Variants in CCDC141 observed in about 807,000 individuals in gnomAD.
The protein encoded by CCDC141 is coiled-coil domain-containing protein 141.
A neutral mutation model predicts 181.0 loss-of-function variants in CCDC141; 168 were observed. The ratio of observed to expected loss-of-function variants is 0.93; its 90% confidence interval spans 0.82 to 1.05. The LOEUF (loss-of-function observed/expected upper bound fraction) is 1.05. CCDC141 is among the 50% of genes least tolerant of loss of function. The pLI is 0.00. For synonymous variants in CCDC141, 666 were observed against 642.3 expected, an observed-to-expected ratio of 1.04 and a Z score of -0.56; for missense variants, 1,902 against 1,788.5, an observed-to-expected ratio of 1.06 and a Z score of -1.14.
chr2:178,827,882 T>C (rs1043442064), downstream of CCDC141, among the ~76,000 whole-genome samples: 8 of 152,228 alleles, frequency 5.3e-5, no homozygotes, highest in African/African-American at 1.9e-4. Context: ...AAGTCCAAAG[T>C]CTAAGCCAAA....
chr2:178,966,431 A>G (rs1157381244), intron 4 of CCDC141, among the ~76,000 whole-genome samples: 1 of 152,208 alleles, frequency 6.6e-6, no homozygotes, highest in East Asian at 1.9e-4. Context: ...ATCAGGTGGC[A>G]GTCTTTGCTG....
chr2:178,928,488 C>T (rs1468125056), intron 6 of CCDC141, among the ~76,000 whole-genome samples: 1 of 151,618 alleles, frequency 6.6e-6, no homozygotes, highest in Non-Finnish European at 1.5e-5. Context: ...AAATACCATG[C>T]AATATAATAG....
intron 6 of CCDC141, among the ~76,000 whole-genome samples, chr2:178,934,030 A>C (rs1048489397): frequency 6.6e-6 from 1 of 151,250 alleles, no homozygotes; most frequent in Non-Finnish European, 1.5e-5. Flanking sequence ...TAAGATTGAC[A>C]TTTTTTTTTA....
intron 6 of CCDC141, among the ~76,000 whole-genome samples, chr2:178,925,804 G>C (rs942818950): frequency 2.6e-5 from 4 of 151,870 alleles, no homozygotes; most frequent in Non-Finnish European, 5.9e-5. Flanking sequence ...GACTGACCAG[G>C]TGGTCCTAGT....
At chr2:179,038,985 C>T (rs1355478104) in intron 2 of CCDC141, among the ~76,000 whole-genome samples, 1 of 152,204 alleles carries the variant, frequency 6.6e-6, no homozygotes, top group Admixed American at 6.5e-5. Flanking sequence ...CTTTAACACT[C>T]TGCACCTCAC....
At chr2:178,867,799 T>A (rs1008636923) in intron 16 of CCDC141, among the ~76,000 whole-genome samples, 11 of 152,156 alleles carry the variant, frequency 7.2e-5, no homozygotes, top group African/African-American at 2.7e-4. Flanking sequence ...CTTTAAAAAT[T>A]TTTTTTCATG....
intron 5 of CCDC141, 147 bp downstream of exon 5, chr2:178,961,083 C>A: frequency 3.7e-6 from 3 of 808,468 alleles, no homozygotes; most frequent in South Asian, 2.0e-5. Flanking sequence ...CAGGGAAAAA[C>A]AACATGGTAG....
intron 2 of CCDC141, among the ~76,000 whole-genome samples, chr2:179,018,406 C>T (rs2042604593): frequency 6.6e-6 from 1 of 152,112 alleles, no homozygotes; most frequent in Non-Finnish European, 1.5e-5. Flanking sequence ...ATTTAAGACA[C>T]TTAAAAGTAA....
chr2:178,895,379 T>A (rs1275233734), intron 8 of CCDC141, among the ~76,000 whole-genome samples: 1 of 152,198 alleles, frequency 6.6e-6, no homozygotes, highest in African/African-American at 2.4e-5. Flanking sequence ...GATTTCTGCC[T>A]CTTTAGTCAG....
At chr2:178,952,263 C>G (rs183447921) in intron 5 of CCDC141, among the ~76,000 whole-genome samples, 2 of 152,088 alleles carry the variant, frequency 1.3e-5, no homozygotes, top group Non-Finnish European at 2.9e-5. Context: ...TAGTGATTAT[C>G]CAGTAAAGCT....
chr2:178,990,597 A>C, intron 2 of CCDC141, among the ~76,000 whole-genome samples: 1 of 34,656 alleles, frequency 2.9e-5, no homozygotes, highest in South Asian at 1.0e-3. Flanking sequence ...AGGGGAGGGG[A>C]GGGGAGGGGA....
rs550291293 is a variant in CCDC141 at position 178,867,936 on chromosome 2, T to C, written c.2574+90A>G. ...GTTTAGTTTATTTTTAAATTTAACATATACTAAGCAATCTGCCTGGTTTCT... is the reference window on the plus strand; with the variant it reads ...GTTTAGTTTATTTTTAAATTTAACACATACTAAGCAATCTGCCTGGTTTCT... On this transcript the variant is annotated intron_variant, in intron 16 of 23. Coordinates refer to ENST00000443758, the MANE Select transcript of CCDC141 (RefSeq NM_173648.4). The C allele has an allele frequency of 1.1e-5, 11 of 1,003,082 alleles. No homozygotes were observed. The African/African-American group carries it at 1.1e-4, about 10-fold the overall frequency. 62.1% of individuals were successfully genotyped at this position (1,003,082 alleles called of 1,614,324 possible). A position where few individuals can be genotyped will look rare whatever the true frequency, so the allele number is the denominator to read the frequency against.
chr2:178,898,876 C>A (rs79673867), intron 8 of CCDC141, among the ~76,000 whole-genome samples: 1,645 of 152,186 alleles, frequency 0.011, 33 homozygotes, highest in African/African-American at 0.037. Context: ...CTAAATTAAG[C>A]CTTTTAATAC....
At chr2:178,909,323 A>G (rs1441579208) in intron 7 of CCDC141, among the ~76,000 whole-genome samples, 1 of 152,242 alleles carries the variant, frequency 6.6e-6, no homozygotes, top group African/African-American at 2.4e-5. Flanking sequence ...TATTTACTAT[A>G]AATTGTTCTG....
At chr2:178,919,104 G>C (rs552937159) in intron 6 of CCDC141, among the ~76,000 whole-genome samples, 197 bp from the exon 7 acceptor site, 12 of 152,102 alleles carry the variant, frequency 7.9e-5, no homozygotes, top group Non-Finnish European at 1.6e-4. Context: ...TGAGGATACA[G>C]TAAGTTGGCA....
chr2:178,954,234 T>C lies in CCDC141; in HGVS notation c.780+6996A>G, dbSNP rs143353354. Among the ~76,000 whole-genome samples the C allele has an allele frequency of 1.5e-4, 23 of 152,340 alleles. No homozygotes were observed. The East Asian group carries it at 4.4e-3, about 29-fold the overall frequency. On this transcript the variant is annotated intron_variant, in intron 5 of 23. Coordinates refer to ENST00000443758, the MANE Select transcript of CCDC141 (RefSeq NM_173648.4). ...GAAAAATTACATTCATAAATCTTCT[T>C]GCCAAGATAATTAATTATGCACGAA...
chr2:179,029,937 G>C (rs769625037), intron 2 of CCDC141, among the ~76,000 whole-genome samples: 5 of 151,876 alleles, frequency 3.3e-5, no homozygotes, highest in Non-Finnish European at 5.9e-5. Flanking sequence ...ACTTTTTCCA[G>C]GTGTCTTGCT....
chr2:178,921,299 G>A (rs1442441230), intron 6 of CCDC141, among the ~76,000 whole-genome samples: 1 of 152,220 alleles, frequency 6.6e-6, no homozygotes, highest in Non-Finnish European at 1.5e-5. Flanking sequence ...TACTGGGAAT[G>A]AGCAAATATT....
At chr2:179,047,194 G>A (rs2043525640) in intron 2 of CCDC141, 90 bp downstream of exon 2, 1 of 1,216,018 alleles carries the variant, frequency 8.2e-7, no homozygotes, top group African/African-American at 1.5e-5. Flanking sequence ...AGTGGCCCTA[G>A]GCCAGTAACA....
Sources: allele counts gnomAD v4.1 joint callset (sites outside exome capture counted in the v4.1 genomes callset), GRCh38; gene constraint gnomAD v4.1.1; transcripts MANE v1.5; gene names NCBI Gene and HGNC (gene_info 2026-07-23, HGNC 2026-07-21).